COL16A1: variants seen among roughly 807,000 people sequenced by gnomAD.
The protein encoded by COL16A1 is collagen alpha-1(XVI) chain.
COL16A1 carries 189 observed loss-of-function variants against 266.3 expected under a neutral mutation model. The observed-to-expected ratio is 0.71, with a 90% CI of 0.63 to 0.80. The LOEUF is 0.80. COL16A1 is among the 30% of genes least tolerant of loss of function. COL16A1 has a pLI of 0.00. For missense variants in COL16A1, 1,928 were observed against 2,122.4 expected (o/e 0.91, Z 1.80); for synonymous variants, 740 against 782.3 (o/e 0.95, Z 0.90).
rs1476841374 is a variant in COL16A1 at position 31,693,083 on chromosome 1, G to C, written c.1071+9C>G. The C allele has an allele frequency of 1.9e-6, 3 of 1,590,282 alleles. No homozygotes were observed. Among genetic ancestry groups the C allele is most frequent in the Non-Finnish European group, 2.6e-6 (3 of 1,159,250 alleles). On this transcript the variant is annotated intron_variant, in intron 13 of 70. Transcript: ENST00000373672. The stretch of plus-strand genomic sequence containing the variant: ...AAGGTCCTGCCACGGGCAGGGCTGG[G>C]ACACTTACCCGTGCTCCCTTCTCTC...
Position 31,682,938 on chromosome 1 carries a change from G to A in COL16A1, c.2534C>T (p.Pro845Leu). 2.5e-6 allele frequency: 4 copies of A among 1,614,046 alleles called. No individual in the cohort carries two copies. The highest frequency in any genetic ancestry group is 3.4e-6 in the Non-Finnish European group (4 of 1,179,978). Residue 845 changes from proline to leucine, a missense_variant, in exon 37 of 71, where the codon CCT becomes CTT. By Grantham distance (98) the Pro-to-Leu change is moderately conservative. Coordinates refer to ENST00000373672, the MANE Select transcript of COL16A1 (RefSeq NM_001856.4). Reference sequence around the variant, plus strand: ...TGGAGCACAGAGAAGACTTACCGGAGGCCCAGAGACACTGGCCCCAGGAGG... The same window carrying A: ...TGGAGCACAGAGAAGACTTACCGGAAGCCCAGAGACACTGGCCCCAGGAGG... ...VGPPGASVSGPPGRDGQQGQT... is the reference protein window; with the variant it reads ...VGPPGASVSGLPGRDGQQGQT...
intron 31 of COL16A1, 38 bp from the exon 32 acceptor site, chr1:31,684,269 G>A (rs989001922): frequency 1.4e-5 from 20 of 1,453,978 alleles, no homozygotes; most frequent in South Asian, 1.0e-4. Context: ...CCCATGAGCC[G>A]GGGCTGGCAC....
Position 31,668,931 on chromosome 1 carries a change from A to G in COL16A1, c.3196-76T>C. The G allele has an allele frequency of 8.0e-7, 1 of 1,253,188 alleles. No individual in the cohort carries two copies. The highest frequency in any genetic ancestry group is 1.3e-5 in the South Asian group (1 of 76,022). 77.6% of individuals were successfully genotyped at this position (1,253,188 alleles called of 1,614,324 possible). ...GCCCCTGACTCCTTCCCCCTGCCCC[A>G]CTGCCTTCTGTTCCCACTCCAGGCA... On this transcript the variant is annotated intron_variant, in intron 49 of 70. Transcript: ENST00000373672. The surrounding 1 kb of genome is among the most constrained non-coding windows in gnomAD (Gnocchi z 5.8).
Position 31,685,064 on chromosome 1 carries a change from C to T in COL16A1, c.2017-208G>A, listed in dbSNP as rs921212705. 2.0e-5 allele frequency among the ~76,000 whole-genome samples: 3 copies of T among 152,196 alleles called. No individual in the cohort carries two copies. Among genetic ancestry groups the T allele is most frequent in the Middle Eastern group, 3.2e-3 (1 of 316 alleles). On this transcript the variant is annotated intron_variant, in intron 29 of 70. Transcript: ENST00000373672. This position sits in a 1 kb window ranked among gnomAD's most constrained non-coding sequence, Gnocchi z 4.0. Reference sequence around the variant, plus strand: ...ATGAGCAAATTAGCTCATCTATCTCCGTACCTCAGTTTCTTCAGCTGTCAA... The same window carrying T: ...ATGAGCAAATTAGCTCATCTATCTCTGTACCTCAGTTTCTTCAGCTGTCAA...
In COL16A1 at chr1:31,683,768, G is replaced by A. The variant is rs1643820735; in HGVS notation, c.2338-20C>T. ...CTCTCCCTGAAGAGGCAGAAGGACA[G>A]TCCCTGGCTCGAGGTTCCCCAGTCA... On this transcript the variant is annotated intron_variant, in intron 33 of 70. Transcript: ENST00000373672. 1.9e-6 allele frequency: 3 copies of A among 1,614,052 alleles called. No homozygotes were observed. The African/African-American group carries it at 4.0e-5, about 22-fold the overall frequency.
At chr1:31,683,900 A>AC in intron 33 of COL16A1, 50 bp downstream of exon 33, 1 of 1,612,162 alleles carries the variant, frequency 6.2e-7, no homozygotes. Flanking sequence ...TCCCTATCCC[A>AC]CCCCTGCCCT....
intron 34 of COL16A1, 132 bp from the exon 35 acceptor site, chr1:31,683,501 C>T: frequency 6.3e-7 from 1 of 1,583,518 alleles, no homozygotes; most frequent in Non-Finnish European, 8.6e-7. Context: ...CCCAAGGAGA[C>T]CCTGAGGGTC....
intron 1 of COL16A1, among the ~76,000 whole-genome samples, chr1:31,703,565 C>G (rs1011799606): frequency 7.2e-5 from 11 of 152,180 alleles, no homozygotes; most frequent in African/African-American, 2.7e-4. Context: ...GGCTCCTAGT[C>G]TCTGGTCGCC....
At chr1:31,658,892 AG>A (rs2148659853) in intron 63 of COL16A1, 21 bp downstream of exon 63, 1 of 1,551,966 alleles carries the variant, frequency 6.4e-7, no homozygotes, top group South Asian at 1.2e-5. Flanking sequence ...GGAGGGAGGA[AG>A]GAGTGGAGCA....
chr1:31,658,068 G>A (rs1429222857), intron 64 of COL16A1, among the ~76,000 whole-genome samples: 13 of 152,256 alleles, frequency 8.5e-5, no homozygotes, highest in Non-Finnish European at 4.4e-5. Context: ...CGATATATCA[G>A]CGCTCTTAGT....
At chr1:31,701,255 T>C (rs1644713647) in intron 2 of COL16A1, 1 of 960,024 alleles carries the variant, frequency 1.0e-6, no homozygotes, top group African/African-American at 1.8e-5. Flanking sequence ...TGGGCCCAGA[T>C]TCCTTACAGA....
At position 31,661,418 on chromosome 1, in the gene COL16A1, G is replaced by T; in HGVS notation, c.3767C>A (p.Pro1256His). 2 of 1,614,042 alleles carry T rather than the reference G, an allele frequency of 1.2e-6. No homozygotes were observed. Among genetic ancestry groups the T allele is most frequent in the Non-Finnish European group, 1.7e-6 (2 of 1,180,036 alleles). ...GKTGHPGLPG[P>H]KGDCGKPGPP... ...GCAGAGGTCACCAGCCCTTACCTTA[G>T]GTCCTGGGAGGCCAGGATGTCCTGT... Residue 1256 changes from proline (P) to histidine (H), a missense_variant, in exon 60 of 71, where the codon CCT becomes CAT. Around this residue, in one of 2 missense-constraint regions of COL16A1, gnomAD observed 376 missense variants for 485.2 expected, o/e 0.77. Coordinates refer to ENST00000373672, the MANE Select transcript of COL16A1 (RefSeq NM_001856.4).
chr1:31,670,646 C>T lies in COL16A1; in HGVS notation c.3151G>A (p.Gly1051Ser). Residue 1051 changes from glycine to serine, a missense_variant and splice_region_variant, in exon 49 of 71, where the codon GGC becomes AGC. Physicochemically the swap from Gly to Ser is moderately conservative, Grantham distance 56. Transcript: ENST00000373672. The surrounding 1 kb of genome is among the most constrained non-coding windows in gnomAD (Gnocchi z 4.5). ...RGSPGPPGPI[G>S]PPGFPGAVGS... Reference sequence around the variant, plus strand: ...ACAGCACCAGGAAAACCTGGGGGGCCCTGGTGGGAGAAACAGGCAGGTCAC... The same window carrying T: ...ACAGCACCAGGAAAACCTGGGGGGCTCTGGTGGGAGAAACAGGCAGGTCAC... 2.1e-6 allele frequency: 3 copies of T among 1,431,568 alleles called. No homozygotes were observed. Among genetic ancestry groups the T allele is most frequent in the Non-Finnish European group, 2.7e-6 (3 of 1,097,624 alleles). 88.7% of individuals were successfully genotyped at this position (1,431,568 alleles called of 1,614,324 possible).
At chr1:31,658,749 C>T (rs938030253) in intron 63 of COL16A1, among the ~76,000 whole-genome samples, 165 bp downstream of exon 63, 1 of 152,242 alleles carries the variant, frequency 6.6e-6, no homozygotes, top group African/African-American at 2.4e-5. Flanking sequence ...AAGCCCTCTG[C>T]CACATCCTGG....
chr1:31,676,837 GCCTGCT>G (rs1643227185), intron 42 of COL16A1, among the ~76,000 whole-genome samples: 1 of 152,240 alleles, frequency 6.6e-6, no homozygotes, highest in African/African-American at 2.4e-5. Context: ...CCGCTGCTCA[GCCTGCT>G]CCTCCCTGCA....
chr1:31,670,060 A>T lies in COL16A1; in HGVS notation c.3195+542T>A, dbSNP rs1212539482. The T allele has an allele frequency of 6.6e-6, 1 of 152,598 alleles. No individual in the cohort carries two copies. Among genetic ancestry groups the T allele is most frequent in the East Asian group, 1.9e-4 (1 of 5,206 alleles). 9.5% of individuals were successfully genotyped at this position (152,598 alleles called of 1,614,324 possible). A position where few individuals can be genotyped will look rare whatever the true frequency, so the allele number is the denominator to read the frequency against. On this transcript the variant is annotated intron_variant, in intron 49 of 70. Transcript: ENST00000373672. The surrounding 1 kb of genome is among the most constrained non-coding windows in gnomAD (Gnocchi z 4.5). ...CCTTTAAATCCCTGGGTGCCTCTGG[A>T]CAGCCCTGCCAAGCAGCAGGGCAGC... is the stretch of plus-strand genomic sequence containing the variant.
At chr1:31,683,864 C>T (rs1643830026) in intron 33 of COL16A1, 86 bp downstream of exon 33, 3 of 1,607,294 alleles carry the variant, frequency 1.9e-6, no homozygotes, top group South Asian at 1.1e-5. Flanking sequence ...CCATTTCCCA[C>T]TCCAGGCCCA....
chr1:31,685,915 G>T lies in COL16A1; in HGVS notation c.1885-145C>A. 2 of 1,494,596 alleles carry T rather than the reference G, an allele frequency of 1.3e-6. No homozygotes were observed. Among genetic ancestry groups the T allele is most frequent in the Non-Finnish European group, 1.8e-6 (2 of 1,102,618 alleles). The allele number at this position is 1,494,596 out of a possible 1,614,324, so 92.6% of individuals were successfully genotyped here. A position where few individuals can be genotyped will look rare whatever the true frequency, so the allele number is the denominator to read the frequency against. ...GGTTATCTTGGGAAAGATGAAGGGAGAACAGGAAAGAAACAAAGGTGGAGC... is the reference window on the plus strand; with the variant it reads ...GGTTATCTTGGGAAAGATGAAGGGATAACAGGAAAGAAACAAAGGTGGAGC... On this transcript the variant is annotated intron_variant, in intron 28 of 70. Coordinates refer to ENST00000373672, the MANE Select transcript of COL16A1 (RefSeq NM_001856.4). The surrounding 1 kb of genome is among the most constrained non-coding windows in gnomAD (Gnocchi z 4.0).
Position 31,683,931 on chromosome 1 carries a change from C to A in COL16A1, c.2337+19G>T, listed in dbSNP as rs200580129. ...GCCCTCACGTAGCTACGGCCCAGGG[C>A]CCCAAGACTCACACATACCTGCACG... On this transcript the variant is annotated intron_variant, in intron 33 of 70. Transcript: ENST00000373672. 4 of 1,614,088 alleles carry A rather than the reference C, an allele frequency of 2.5e-6. No individual in the cohort carries two copies. In the African/African-American group the frequency reaches 4.0e-5, roughly 16 times the overall value.
Sources: allele counts gnomAD v4.1 joint callset (sites outside exome capture counted in the v4.1 genomes callset), GRCh38; gene constraint gnomAD v4.1.1; regional missense constraint gnomAD v4.1.1; non-coding constraint Gnocchi (gnomAD v3.1); transcripts MANE v1.5; gene names NCBI Gene and HGNC (gene_info 2026-07-23, HGNC 2026-07-21).